The following SALL1 variants were observed in gnomAD, a reference collection of about 807,000 sequenced individuals.
The protein encoded by SALL1 is spalt like transcription factor 1.
Under a neutral mutation model 73.1 loss-of-function variants are expected in SALL1, and 10 were observed. The observed-to-expected ratio is 0.14, with a 90% confidence interval of 0.08 to 0.23. The LOEUF (loss-of-function observed/expected upper bound fraction) is 0.23, where lower values mean the gene tolerates loss of function less well. Among genes scored for constraint, SALL1 ranks in the 10% least tolerant of loss-of-function variants. The pLI is 1.00. For missense variants in SALL1, 1,520 were observed against 1,697.3 expected (o/e 0.90, Z 1.84); for synonymous variants, 688 against 689.8 (o/e 1.00, Z 0.04).
Position 51,141,929 on chromosome 16 carries a change from A to G in SALL1, c.293T>C (p.Met98Thr). 9 of 1,602,914 alleles carry G rather than the reference A, an allele frequency of 5.6e-6. No individual in the cohort carries two copies. Among genetic ancestry groups the G allele is most frequent in the Non-Finnish European group, 7.7e-6 (9 of 1,173,050 alleles). The change falls in exon 2 of 3, where the codon ATG becomes ACG. Residue 98 changes from methionine to threonine, a missense_variant. Coordinates refer to ENST00000251020, the MANE Select transcript of SALL1 (RefSeq NM_002968.3). The surrounding 1 kb of genome is among the most constrained non-coding windows in gnomAD (Gnocchi z 5.4). ...SPPPDNPDEQ[M>T]NDTVNKTDQV... ...ATCTGTTTTGTTAACTGTGTCATTC[A>G]TTTGTTCATCAGGATTATCAGGAGG...
At position 51,141,417 on chromosome 16, in the gene SALL1, TAGA is replaced by T. The variant is rs1962426737; in HGVS notation, c.802_804del (p.Ser269del). ...GTTCGTAAAGTACCTTGAGAAGGAC[TAGA>T]AGATGTTGGCAAGTCTGCATTCTGA... is the stretch of plus-strand genomic sequence containing the variant. On this transcript the variant is annotated inframe_deletion, in exon 2 of 3. Transcript: ENST00000251020. The surrounding 1 kb of genome is among the most constrained non-coding windows in gnomAD (Gnocchi z 5.4). The T allele has an allele frequency of 1.9e-6, 3 of 1,614,126 alleles. No individual in the cohort carries two copies. The highest frequency in any genetic ancestry group is 1.7e-5 in the Admixed American group (1 of 60,032).
intron 1 of SALL1, among the ~76,000 whole-genome samples, chr16:51,146,568 T>C (rs773521325): frequency 1.4e-4 from 21 of 152,238 alleles, no homozygotes; most frequent in Non-Finnish European, 2.4e-4. Context: ...CCTTTGGGGG[T>C]CTGGCATCTG....
Position 51,140,941 on chromosome 16 carries a change from T to G in SALL1, c.1281A>C (p.Lys427Asn). 6.2e-7 allele frequency: 1 copy of G among 1,614,198 alleles called. No individual in the cohort carries two copies. Among genetic ancestry groups the G allele is most frequent in the South Asian group, 1.1e-5 (1 of 91,086 alleles). Residue 427 changes from lysine (K) to asparagine (N), a missense_variant, in exon 2 of 3, where the codon AAA (lysine) becomes AAC (asparagine). Around this residue, in one of 7 missense-constraint regions of SALL1, gnomAD observed 540 missense variants for 567.5 expected, o/e 0.95. Transcript: ENST00000251020. This position sits in a 1 kb window ranked among gnomAD's most constrained non-coding sequence, Gnocchi z 5.7. ...NSLSALAQQR[K>N]SKPPNVTAFE... ...AGGCAGTGACATTTGGTGGCTTGCTTTTTCTTTGCTGGGCCAAGGCAGACA... is the reference window on the plus strand; with the variant it reads ...AGGCAGTGACATTTGGTGGCTTGCTGTTTCTTTGCTGGGCCAAGGCAGACA...
intron 1 of SALL1, among the ~76,000 whole-genome samples, chr16:51,145,283 T>C (rs1178333987): frequency 6.6e-6 from 1 of 151,974 alleles, no homozygotes; most frequent in Non-Finnish European, 1.5e-5. Flanking sequence ...TCTGATTGTC[T>C]GCTATCTTGT....
chr16:51,140,242 G>C lies in SALL1; in HGVS notation c.1980C>G (p.Asn660Lys). Residue 660 changes from asparagine (N) to lysine (K), a missense_variant, in exon 2 of 3, where the codon AAC (asparagine) becomes AAG (lysine). By Grantham distance (94) the Asn-to-Lys change is moderately conservative (BLOSUM62 0). Coordinates refer to ENST00000251020, the MANE Select transcript of SALL1 (RefSeq NM_002968.3). The surrounding 1 kb of genome is among the most constrained non-coding windows in gnomAD (Gnocchi z 5.7). ...GCTCGGACATGAGCGGCAACAAAGG[G>C]TTGGTGAAGGTGGTGGCACTGCCCG... ...GPAGSATTFT[N>K]PLLPLMSEQF... 6.2e-7 allele frequency: 1 copy of C among 1,614,216 alleles called. No homozygotes were observed. The highest frequency in any genetic ancestry group is 1.3e-5 in the African/African-American group (1 of 75,070).
rs761300181 is a variant in SALL1 at position 51,141,605 on chromosome 16, G to T, written c.617C>A (p.Ala206Glu). 6.2e-7 allele frequency: 1 copy of T among 1,614,102 alleles called. No individual in the cohort carries two copies. Among genetic ancestry groups the T allele is most frequent in the Non-Finnish European group, 8.5e-7 (1 of 1,180,030 alleles). The change falls in exon 2 of 3, where the codon GCG (alanine) becomes GAG (glutamate). Residue 206 changes from alanine (A) to glutamate (E), a missense_variant. Coordinates refer to ENST00000251020, the MANE Select transcript of SALL1 (RefSeq NM_002968.3). The surrounding 1 kb of genome is among the most constrained non-coding windows in gnomAD (Gnocchi z 5.4). Reference sequence around the variant, plus strand: ...CGCTTCCTGGGAGAACTGGGCCACCGCCACCTTGGTGCTCTGGAGGTTCTC... The same window carrying T: ...CGCTTCCTGGGAGAACTGGGCCACCTCCACCTTGGTGCTCTGGAGGTTCTC... ...IIENLQSTKV[A>E]VAQFSQEARC...
intron 1 of SALL1, among the ~76,000 whole-genome samples, chr16:51,143,628 CT>C (rs2143457252): frequency 6.6e-6 from 1 of 152,220 alleles, no homozygotes; most frequent in Non-Finnish European, 1.5e-5. Context: ...CAGCTGTTTG[CT>C]TTTTTGTAGT....
Position 51,141,743 on chromosome 16 carries a change from C to CTG in SALL1, c.478_479insCA (p.Gly160AlafsTer24). 4 of 1,609,898 alleles carry CTG rather than the reference C, an allele frequency of 2.5e-6. No homozygotes were observed. The highest frequency in any genetic ancestry group is 3.4e-6 in the Non-Finnish European group (4 of 1,177,062). On this transcript the variant is annotated frameshift_variant, in exon 2 of 3. Coordinates refer to ENST00000251020, the MANE Select transcript of SALL1 (RefSeq NM_002968.3). LOFTEE classifies it high-confidence loss of function. This position sits in a 1 kb window ranked among gnomAD's most constrained non-coding sequence, Gnocchi z 5.4. ...ACCTGTGGAGGAGCTGCCGCCGCCG[C>CTG]CGCTGCTGCTGCTGCTGCTGCTGCT... is the stretch of plus-strand genomic sequence containing the variant.
chr16:51,150,030 G>A (rs913214717), intron 1 of SALL1, among the ~76,000 whole-genome samples: 2 of 152,194 alleles, frequency 1.3e-5, no homozygotes, highest in African/African-American at 2.4e-5. Context: ...ACCCGAGTCC[G>A]GGCGCCGCTA....
Position 51,139,862 on chromosome 16 carries a change from A to G in SALL1, c.2360T>C (p.Met787Thr). The G allele has an allele frequency of 1.2e-6, 2 of 1,614,176 alleles. No individual in the cohort carries two copies. Among genetic ancestry groups the G allele is most frequent in the Non-Finnish European group, 1.7e-6 (2 of 1,180,032 alleles). The change falls in exon 2 of 3, where the codon ATG becomes ACG. Residue 787 changes from methionine (M) to threonine (T), a missense_variant. Physicochemically the swap from Met to Thr is moderately conservative, Grantham distance 81. This residue lies in a region of SALL1 where 77 missense variants were observed against 117.2 expected (regional missense o/e 0.66). Transcript: ENST00000251020. ...GTTGGGGATCTGGCCTCCCATATGCATTCGGATGTGCTGCTGCAGGACCAC... is the reference window on the plus strand; with the variant it reads ...GTTGGGGATCTGGCCTCCCATATGCGTTCGGATGTGCTGCTGCAGGACCAC... ...NAVVLQQHIRMHMGGQIPNTP... is the reference protein window; with the variant it reads ...NAVVLQQHIRTHMGGQIPNTP...
Position 51,151,200 on chromosome 16 carries a change from G to A in SALL1, c.42C>T (p.Ser14=). 2 of 1,601,980 alleles carry A rather than the reference G, an allele frequency of 1.2e-6. No homozygotes were observed. The highest frequency in any genetic ancestry group is 1.7e-6 in the Non-Finnish European group (2 of 1,175,588). Residue 14 remains serine, a synonymous_variant, in exon 1 of 3, where the codon TCC becomes TCT. Transcript: ENST00000251020. ...RKQAKPQHFQ[S]DPEVASLPRR... ...GGGGGAGCGAGGCCACTTCGGGGTC[G>A]GATTGGAAATGTTGAGGCTTCGCTT...
At chr16:51,151,864 GCTGCGAA>G (rs952669258), upstream of SALL1, among the ~76,000 whole-genome samples, 4 of 151,450 alleles carry the variant, frequency 2.6e-5, no homozygotes, top group Admixed American at 2.6e-4. Flanking sequence ...CTGCCGGCGC[GCTGCGAA>G]CTTCCCAACT....
rs562373285 is a variant in SALL1, at chr16:51,140,642, G to A, written c.1580C>T (p.Pro527Leu). The stretch of plus-strand genomic sequence containing the variant: ...CTCTGGAGGGATGGACATGCCATAT[G>A]GGATGCCAGTACTCGTGGGGATATT... The part of the protein sequence containing the change: ...LDNIPTSTGI[P>L]YGMSIPPEKP... Residue 527 changes from proline to leucine, a missense_variant, in exon 2 of 3, where the codon CCA (proline) becomes CTA (leucine). Pro to Leu is a moderately conservative substitution (Grantham distance 98). Around this residue, in one of 7 missense-constraint regions of SALL1, gnomAD observed 276 missense variants for 259.1 expected, o/e 1.07. Transcript: ENST00000251020. The surrounding 1 kb of genome is among the most constrained non-coding windows in gnomAD (Gnocchi z 5.7). 1 of 1,614,168 alleles carries A rather than the reference G, an allele frequency of 6.2e-7. No homozygotes were observed. Among genetic ancestry groups the A allele is most frequent in the East Asian group, 2.2e-5 (1 of 44,874 alleles).
chr16:51,138,590 A>C, intron 2 of SALL1, 98 bp downstream of exon 2: 1 of 1,448,902 alleles, frequency 6.9e-7, no homozygotes, highest in Non-Finnish European at 9.3e-7. Context: ...CTCTCCCTGA[A>C]TATCTGGGCT....
intron 1 of SALL1, among the ~76,000 whole-genome samples, chr16:51,146,271 C>T (rs1962516709): frequency 6.6e-6 from 1 of 151,958 alleles, no homozygotes; most frequent in Non-Finnish European, 1.5e-5. Flanking sequence ...ATGGACGAGG[C>T]GTTGCTTTTA....
At chr16:51,137,986 T>TC (rs1270588511) in intron 2 of SALL1, among the ~76,000 whole-genome samples, 1 of 152,180 alleles carries the variant, frequency 6.6e-6, no homozygotes, top group Non-Finnish European at 1.5e-5. Context: ...AAGGTATCCC[T>TC]CCCTGATTGC....
chr16:51,138,147 C>T (rs1301239234), intron 2 of SALL1, among the ~76,000 whole-genome samples: 1 of 152,208 alleles, frequency 6.6e-6, no homozygotes, highest in Non-Finnish European at 1.5e-5. Context: ...AGCATATTTG[C>T]TTTATTTCCA....
chr16:51,144,816 T>A (rs1962492048), intron 1 of SALL1, among the ~76,000 whole-genome samples: 1 of 152,150 alleles, frequency 6.6e-6, no homozygotes, highest in East Asian at 1.9e-4. Context: ...AATATAGATG[T>A]TTAAAAATAA....
intron 1 of SALL1, chr16:51,150,395 G>A: frequency 1.0e-6 from 1 of 985,516 alleles, no homozygotes; most frequent in Non-Finnish European, 1.2e-6. Context: ...AAGATTTTGG[G>A]GGGCAGAGGG....
Sources: allele counts gnomAD v4.1 joint callset (sites outside exome capture counted in the v4.1 genomes callset), GRCh38; gene constraint gnomAD v4.1.1; regional missense constraint gnomAD v4.1.1; non-coding constraint Gnocchi (gnomAD v3.1); transcripts MANE v1.5; gene names NCBI Gene and HGNC (gene_info 2026-07-23, HGNC 2026-07-21).